CCSER1: variants seen among roughly 807,000 people sequenced by gnomAD.
The protein encoded by CCSER1 is coiled-coil serine rich protein 1.
A neutral mutation model predicts 82.0 loss-of-function variants in CCSER1; 41 were observed. That is an observed-to-expected ratio of 0.50 (90% CI 0.39 to 0.65). The LOEUF (loss-of-function observed/expected upper bound fraction) is 0.65. Ranked by LOEUF, CCSER1 falls within the 30% of genes least tolerant of loss-of-function variation. The probability of loss-of-function intolerance (pLI) is 0.00; values close to 1 mark genes in which losing one functional copy is unlikely to be tolerated. For synonymous variants in CCSER1, 414 were observed against 383.9 expected, an observed-to-expected ratio of 1.08 and a Z score of -0.92; for missense variants, 1,119 against 1,064.2, an observed-to-expected ratio of 1.05 and a Z score of -0.72.
chr4:91,055,746 CT>C (rs1743385012), intron 9 of CCSER1, among the ~76,000 whole-genome samples: 2 of 148,172 alleles, frequency 1.3e-5, no homozygotes, highest in Non-Finnish European at 3.0e-5. Flanking sequence ...CCCTCTGCCC[CT>C]CTCCCCCTCT....
rs753212723 is a variant in CCSER1, at chr4:90,308,364, A to G, written c.80A>G (p.Asp27Gly). The G allele has an allele frequency of 3.7e-6, 6 of 1,613,324 alleles. No homozygotes were observed. Among genetic ancestry groups the G allele is most frequent in the Non-Finnish European group, 5.1e-6 (6 of 1,179,698 alleles). The change falls in exon 2 of 11, where the codon GAT becomes GGT. Residue 27 changes from aspartate (D) to glycine (G), a missense_variant. By Grantham distance (94) the Asp-to-Gly change is moderately conservative. Coordinates refer to ENST00000509176, the MANE Select transcript of CCSER1 (RefSeq NM_001145065.2). ...AGAAGAAGTATTAACAGAAGACATG[A>G]TTCTCTTCCTTCTTCACCTTCTTCC... ...IFRRSINRRH[D>G]SLPSSPSSSN...
chr4:91,305,943 C>T (rs540091609), intron 10 of CCSER1, among the ~76,000 whole-genome samples: 4 of 151,850 alleles, frequency 2.6e-5, no homozygotes, highest in Admixed American at 2.0e-4. Flanking sequence ...AGAACATGCC[C>T]CCATGATTCA....
intron 1 of CCSER1, among the ~76,000 whole-genome samples, chr4:90,204,690 C>T (rs946347263): frequency 6.6e-6 from 1 of 151,998 alleles, no homozygotes; most frequent in Non-Finnish European, 1.5e-5. Flanking sequence ...TTTTTTGGTT[C>T]CATGTGAAAT....
chr4:91,227,997 TCTC>T (rs1272362256), intron 10 of CCSER1, among the ~76,000 whole-genome samples: 1 of 152,036 alleles, frequency 6.6e-6, no homozygotes, highest in Non-Finnish European at 1.5e-5. Flanking sequence ...CAGTCAGAAT[TCTC>T]CTCTCAGCAT....
chr4:90,962,586 CT>C (rs2150378691), intron 9 of CCSER1, among the ~76,000 whole-genome samples: 1 of 152,100 alleles, frequency 6.6e-6, no homozygotes, highest in South Asian at 2.1e-4. Context: ...ATATTTTTAA[CT>C]GAATATAACC....
chr4:90,432,714 C>T (rs987774755), intron 4 of CCSER1, among the ~76,000 whole-genome samples: 1 of 152,022 alleles, frequency 6.6e-6, no homozygotes, highest in Non-Finnish European at 1.5e-5. Context: ...CTCAGTCTCC[C>T]CAGTAGCTGA....
intron 10 of CCSER1, among the ~76,000 whole-genome samples, chr4:91,147,511 C>T (rs1436925001): frequency 6.6e-6 from 1 of 152,192 alleles, no homozygotes; most frequent in African/African-American, 2.4e-5. Flanking sequence ...CACATGAACC[C>T]ACTCCACATT....
intron 10 of CCSER1, among the ~76,000 whole-genome samples, chr4:91,371,910 A>G (rs972044196): frequency 6.6e-6 from 1 of 152,200 alleles, no homozygotes; most frequent in Admixed American, 6.6e-5. Flanking sequence ...AGAATGACAC[A>G]GGGGGCATAA....
intron 10 of CCSER1, among the ~76,000 whole-genome samples, chr4:91,561,162 C>T (rs1284883507): frequency 6.6e-6 from 1 of 151,360 alleles, no homozygotes; most frequent in Non-Finnish European, 1.5e-5. Flanking sequence ...CTCAAAGTGT[C>T]GTGTCTTACC....
intron 9 of CCSER1, among the ~76,000 whole-genome samples, chr4:91,058,750 A>G (rs1233866501): frequency 6.6e-6 from 1 of 152,072 alleles, no homozygotes; most frequent in African/African-American, 2.4e-5. Flanking sequence ...GAAAAACTTT[A>G]AAGTTTGATT....
intron 5 of CCSER1, among the ~76,000 whole-genome samples, chr4:90,574,354 C>T (rs551094286): frequency 6.8e-4 from 100 of 146,586 alleles, no homozygotes; most frequent in African/African-American, 1.9e-3. Context: ...CTGCAAGCTC[C>T]GCTTCCCGGG....
chr4:91,416,505 C>T (rs1460787119), intron 10 of CCSER1, among the ~76,000 whole-genome samples: 1 of 151,968 alleles, frequency 6.6e-6, no homozygotes, highest in Non-Finnish European at 1.5e-5. Flanking sequence ...CAAAAACAGA[C>T]ACATAGGCCA....
intron 7 of CCSER1, among the ~76,000 whole-genome samples, chr4:90,750,841 C>G (rs1426978024): frequency 6.6e-6 from 1 of 152,024 alleles, no homozygotes; most frequent in African/African-American, 2.4e-5. Flanking sequence ...TTTCATTTAA[C>G]TTTTTAATTT....
At position 91,416,613 on chromosome 4, in the gene CCSER1, C is replaced by A. The variant is rs1437866932; in HGVS notation, c.2218-181959C>A. ...AAACAAGCAATGGGGAAAGGATTCCCTATTTAATAAGTGGTGCCGGGAGAA... is the reference window on the plus strand; with the variant it reads ...AAACAAGCAATGGGGAAAGGATTCCATATTTAATAAGTGGTGCCGGGAGAA... On this transcript the variant is annotated intron_variant, in intron 10 of 10. Coordinates refer to ENST00000509176, the MANE Select transcript of CCSER1 (RefSeq NM_001145065.2). 2.0e-5 allele frequency among the ~76,000 whole-genome samples: 3 copies of A among 152,144 alleles called. No homozygotes were observed. The East Asian group carries it at 5.8e-4, about 29-fold the overall frequency.
chr4:90,867,962 A>G (rs185971424), intron 8 of CCSER1, among the ~76,000 whole-genome samples: 106 of 152,142 alleles, frequency 7.0e-4, no homozygotes, highest in Middle Eastern at 3.4e-3. Flanking sequence ...GGACAATTAG[A>G]TTGCCTCCAA....
chr4:91,509,613 C>T (rs961718266), intron 10 of CCSER1, among the ~76,000 whole-genome samples: 1 of 152,054 alleles, frequency 6.6e-6, no homozygotes, highest in African/African-American at 2.4e-5. Flanking sequence ...TCACATCTTC[C>T]ATGTGTTCAC....
intron 8 of CCSER1, among the ~76,000 whole-genome samples, chr4:90,827,750 C>T (rs1760646372): frequency 6.6e-6 from 1 of 151,964 alleles, no homozygotes; most frequent in South Asian, 2.1e-4. Context: ...TTTTCTTTTG[C>T]CCTCTGAGAG....
chr4:90,211,439 C>A (rs925181653), intron 1 of CCSER1, among the ~76,000 whole-genome samples: 1 of 152,200 alleles, frequency 6.6e-6, no homozygotes, highest in African/African-American at 2.4e-5. Context: ...AATGAAGATT[C>A]TTGAGTGTTG....
At chr4:90,197,867 A>G (rs1736904130) in intron 1 of CCSER1, among the ~76,000 whole-genome samples, 2 of 152,216 alleles carry the variant, frequency 1.3e-5, no homozygotes, top group Middle Eastern at 3.4e-3. Context: ...ACTATTGACT[A>G]TAGGCACAAC....
Sources: allele counts gnomAD v4.1 joint callset (sites outside exome capture counted in the v4.1 genomes callset), GRCh38; gene constraint gnomAD v4.1.1; transcripts MANE v1.5; gene names NCBI Gene and HGNC (gene_info 2026-07-23, HGNC 2026-07-21).